SMYD3: variants seen among roughly 807,000 people sequenced by gnomAD.
SMYD3 encodes the protein SET and MYND domain containing 3, also known as histone-lysine N-methyltransferase SMYD3.
SMYD3 carries 36 observed loss-of-function variants against 57.7 expected under a neutral mutation model. The ratio of observed to expected loss-of-function variants is 0.62; its 90% CI spans 0.48 to 0.82. The LOEUF (loss-of-function observed/expected upper bound fraction) is 0.82, where lower values mean the gene tolerates loss of function less well. Among genes scored for constraint, SMYD3 ranks in the 40% least tolerant of loss-of-function variants. The pLI is 0.00. For missense variants in SMYD3, 515 were observed against 538.8 expected, an observed-to-expected ratio of 0.96 and a Z score of 0.44; for synonymous variants, 211 against 195.0, an observed-to-expected ratio of 1.08 and a Z score of -0.68.
chr1:246,167,168 G>C (rs1489781949), intron 5 of SMYD3, among the ~76,000 whole-genome samples: 1 of 152,108 alleles, frequency 6.6e-6, no homozygotes, highest in Non-Finnish European at 1.5e-5. Context: ...GATCACAATT[G>C]GTGTATTCAT....
chr1:246,419,280 C>G (rs1315028406), intron 1 of SMYD3, among the ~76,000 whole-genome samples: 1 of 152,202 alleles, frequency 6.6e-6, no homozygotes, highest in Non-Finnish European at 1.5e-5. Context: ...ACTTAGCCCG[C>G]CTGCACCCAG....
intron 1 of SMYD3, among the ~76,000 whole-genome samples, chr1:246,488,722 G>A (rs547455028): frequency 1.6e-4 from 24 of 152,230 alleles, no homozygotes; most frequent in Admixed American, 5.2e-4. Flanking sequence ...TAAGCAGGCT[G>A]TTATTTACAA....
intron 1 of SMYD3, among the ~76,000 whole-genome samples, chr1:246,357,910 A>C (rs1179508970): frequency 2.0e-5 from 3 of 152,214 alleles, no homozygotes; most frequent in African/African-American, 7.2e-5. Flanking sequence ...AATAAAAAAA[A>C]CACAAGGTAT....
intron 5 of SMYD3, among the ~76,000 whole-genome samples, chr1:246,150,328 T>C (rs1200390277): frequency 2.6e-5 from 4 of 152,208 alleles, no homozygotes; most frequent in Non-Finnish European, 5.9e-5. Context: ...TGCCACATTC[T>C]TGACACATCA....
At chr1:246,420,644 GC>G (rs1187296228) in intron 1 of SMYD3, among the ~76,000 whole-genome samples, 1 of 152,124 alleles carries the variant, frequency 6.6e-6, no homozygotes, top group East Asian at 1.9e-4. Flanking sequence ...AGATTCAACT[GC>G]CCAAAAATAT....
Position 246,225,772 on chromosome 1 carries a change from C to A in SMYD3, c.531+101429G>T, listed in dbSNP as rs562487796. 2.6e-5 allele frequency among the ~76,000 whole-genome samples: 4 copies of A among 152,238 alleles called. No homozygotes were observed. In the South Asian group the frequency reaches 8.3e-4, roughly 32 times the overall value. On this transcript the variant is annotated intron_variant, in intron 5 of 11. Coordinates refer to ENST00000490107, the MANE Select transcript of SMYD3 (RefSeq NM_001167740.2). ...TGTTCAATCTCTCCATATTTTTCTG[C>A]CAAATCTAATCAGAGGTTTTGCGGA...
At chr1:246,095,958 C>T (rs915279159) in intron 5 of SMYD3, among the ~76,000 whole-genome samples, 13 of 152,186 alleles carry the variant, frequency 8.5e-5, no homozygotes, top group African/African-American at 3.1e-4. Context: ...AGGGCCATTA[C>T]TAAAACTCCC....
chr1:246,139,652 T>C (rs989551687), intron 5 of SMYD3, among the ~76,000 whole-genome samples: 11 of 152,244 alleles, frequency 7.2e-5, no homozygotes, highest in African/African-American at 1.9e-4. Flanking sequence ...TGTAGAATTT[T>C]AAATTAAAAA....
rs540166968 is a variant in SMYD3 at position 245,938,289 on chromosome 1, G to A, written c.532-8352C>T. Among the ~76,000 whole-genome samples, 4 of 152,284 alleles carry A rather than the reference G, an allele frequency of 2.6e-5. No homozygotes were observed. The South Asian group carries it at 6.2e-4, about 24-fold the overall frequency. On this transcript the variant is annotated intron_variant, in intron 5 of 11. Transcript: ENST00000490107. Reference sequence around the variant, plus strand: ...ATGAAGGTATTTTGGGGACTAGTGCGTGGCTGTTTCTGGCAGCCAATGACA... The same window carrying A: ...ATGAAGGTATTTTGGGGACTAGTGCATGGCTGTTTCTGGCAGCCAATGACA...
intron 5 of SMYD3, among the ~76,000 whole-genome samples, chr1:245,972,867 G>T (rs1190075730): frequency 6.6e-6 from 1 of 152,210 alleles, no homozygotes; most frequent in Non-Finnish European, 1.5e-5. Flanking sequence ...CAGTGAAAAA[G>T]AAATAAATGT....
chr1:246,011,991 C>T (rs2059290133), intron 5 of SMYD3, among the ~76,000 whole-genome samples: 1 of 152,176 alleles, frequency 6.6e-6, no homozygotes, highest in African/African-American at 2.4e-5. Context: ...ATATCATTGT[C>T]CACTGATACC....
intron 1 of SMYD3, among the ~76,000 whole-genome samples, chr1:246,413,078 C>T (rs896390468): frequency 2.0e-5 from 3 of 152,116 alleles, no homozygotes; most frequent in African/African-American, 7.2e-5. Context: ...GGATTACAAC[C>T]CAATTTGTCT....
At chr1:245,788,635 C>A (rs1223944783) in intron 10 of SMYD3, among the ~76,000 whole-genome samples, 1 of 152,196 alleles carries the variant, frequency 6.6e-6, no homozygotes, top group Non-Finnish European at 1.5e-5. Context: ...CCCCTCAGCT[C>A]TATCAAGTTG....
chr1:246,358,087 G>A (rs982748964), intron 1 of SMYD3, among the ~76,000 whole-genome samples: 12 of 152,086 alleles, frequency 7.9e-5, no homozygotes, highest in South Asian at 4.1e-4. Flanking sequence ...AACACATAAG[G>A]ACTCACATAA....
intron 1 of SMYD3, among the ~76,000 whole-genome samples, chr1:246,385,133 A>G (rs1163605129): frequency 2.0e-5 from 3 of 152,182 alleles, no homozygotes; most frequent in African/African-American, 7.2e-5. Context: ...AATATTGAAA[A>G]TTTATCTTTT....
At chr1:246,339,718 G>A (rs1241547163) in intron 2 of SMYD3, among the ~76,000 whole-genome samples, 2 of 152,212 alleles carry the variant, frequency 1.3e-5, no homozygotes, top group African/African-American at 4.8e-5. Context: ...AATCCCCAGT[G>A]CAACATGTTG....
chr1:245,966,528 A>G (rs1428682521), intron 5 of SMYD3, among the ~76,000 whole-genome samples: 6 of 152,228 alleles, frequency 3.9e-5, no homozygotes, highest in Non-Finnish European at 8.8e-5. Flanking sequence ...TGTGAAAAAC[A>G]AAGGCAAAAA....
At chr1:246,219,328 G>C (rs7533717) in intron 5 of SMYD3, among the ~76,000 whole-genome samples, 13,402 of 152,124 alleles carry the variant, frequency 0.088, 1,046 homozygotes, top group East Asian at 0.24. Context: ...ATGTCGGAGA[G>C]AAGCAGCTTG....
intron 8 of SMYD3, among the ~76,000 whole-genome samples, chr1:245,905,338 A>G (rs1241290765): frequency 6.6e-6 from 1 of 152,086 alleles, no homozygotes; most frequent in Admixed American, 6.5e-5. Context: ...CTTCGGCCGG[A>G]GGGCAGTCCT....
Sources: gnomAD v4.1 joint callset for allele counts (sites outside exome capture counted in the v4.1 genomes callset) on GRCh38, gnomAD v4.1.1 for gene constraint, MANE v1.5 for transcripts, NCBI Gene and HGNC (gene_info 2026-07-23, HGNC 2026-07-21) for gene names.